Variants in TNRC6A observed in about 807,000 individuals in gnomAD.
TNRC6A encodes the protein trinucleotide repeat-containing gene 6A protein.
TNRC6A carries 44 observed loss-of-function variants against 221.2 expected under a neutral mutation model. The observed-to-expected ratio is 0.20, with a 90% CI of 0.16 to 0.26. The LOEUF (loss-of-function observed/expected upper bound fraction) is 0.26, where lower values mean the gene tolerates loss of function less well. Among genes scored for constraint, TNRC6A ranks in the 10% least tolerant of loss-of-function variants. The pLI is 1.00. For synonymous variants in TNRC6A, 847 were observed against 838.5 expected (o/e 1.01, Z -0.18); for missense variants, 2,199 against 2,404.4 (o/e 0.91, Z 1.79).
intron 2 of TNRC6A, among the ~76,000 whole-genome samples, chr16:24,656,599 C>T (rs1199904296): frequency 6.6e-6 from 1 of 151,700 alleles, no homozygotes; most frequent in East Asian, 1.9e-4. Context: ...GCAGAAATTG[C>T]ACAAGTCAAA....
rs147634323 is a variant in TNRC6A, at chr16:24,613,080, C to G, written n.276+2596C>G. Among the ~76,000 whole-genome samples the G allele has an allele frequency of 2.9e-3, 383 of 131,076 alleles. 3 individuals carry two copies. The highest frequency in any genetic ancestry group is 0.011 in the African/African-American group (363 of 34,330). The allele number at this position is 131,076 out of a possible 152,430, so 86.0% of individuals were successfully genotyped here. On this transcript the variant is annotated intron_variant and non_coding_transcript_variant, in intron 1 of 2. Transcript: ENST00000566108. ...GCAGTGAGCCGAGATCGCACCATTGCGCTCTAACCTGGGTGACAGAGTGAG... is the reference window on the plus strand; with the variant it reads ...GCAGTGAGCCGAGATCGCACCATTGGGCTCTAACCTGGGTGACAGAGTGAG...
intron 2 of TNRC6A, among the ~76,000 whole-genome samples, chr16:24,689,711 A>G (rs994056084): frequency 1.3e-5 from 2 of 152,172 alleles, no homozygotes; most frequent in African/African-American, 4.8e-5. Flanking sequence ...AAACAAAATG[A>G]ATAAGTACAC....
intron 2 of TNRC6A, among the ~76,000 whole-genome samples, chr16:24,724,318 A>G (rs1466195588): frequency 6.6e-6 from 1 of 152,246 alleles, no homozygotes; most frequent in African/African-American, 2.4e-5. Flanking sequence ...CCCCATCTGC[A>G]AAGTGGGGAT....
intron 7 of TNRC6A, 110 bp downstream of exon 7, chr16:24,793,759 A>G (rs2058160987): frequency 1.1e-6 from 1 of 924,384 alleles, no homozygotes; most frequent in Admixed American, 4.2e-5. Flanking sequence ...ATATTCATAT[A>G]ATGTAACATG....
intron 20 of TNRC6A, 121 bp downstream of exon 20, chr16:24,817,077 G>A: frequency 2.0e-6 from 2 of 1,015,846 alleles, no homozygotes; most frequent in Non-Finnish European, 2.7e-6. Context: ...CTTGAGCCCA[G>A]GAGCTTGAGG....
chr16:24,791,924 T>C (rs1316500703), intron 6 of TNRC6A, 107 bp downstream of exon 6: 2 of 1,242,218 alleles, frequency 1.6e-6, no homozygotes, highest in African/African-American at 1.6e-5. Context: ...CTTACTGTAA[T>C]CCAGAAGCAG....
At chr16:24,741,528 T>G (rs750074950) in intron 2 of TNRC6A, among the ~76,000 whole-genome samples, 2 of 152,188 alleles carry the variant, frequency 1.3e-5, no homozygotes, top group African/African-American at 4.8e-5. Flanking sequence ...AGTCTTTTGT[T>G]GAGGAGTTTT....
chr16:24,734,244 A>G (rs1228981296), intron 2 of TNRC6A, among the ~76,000 whole-genome samples: 1 of 152,216 alleles, frequency 6.6e-6, no homozygotes, highest in East Asian at 1.9e-4. Flanking sequence ...AGAATCTGGG[A>G]TTTGACAGCT....
rs150050896 is a variant in TNRC6A at position 24,780,840 on chromosome 16, A to G, written c.589+3482A>G. On this transcript the variant is annotated intron_variant, in intron 5 of 24. Transcript: ENST00000395799. Reference sequence around the variant, plus strand: ...GGATGTTTTAACCAAAAGTGTTAACATTAAAGTTTCTGGAGATATTTAAAG... The same window carrying G: ...GGATGTTTTAACCAAAAGTGTTAACGTTAAAGTTTCTGGAGATATTTAAAG... Among the ~76,000 whole-genome samples, 8 of 152,158 alleles carry G rather than the reference A, an allele frequency of 5.3e-5. No homozygotes were observed. The East Asian group carries it at 1.5e-3, about 29-fold the overall frequency.
At position 24,795,386 on chromosome 16, in the gene TNRC6A, C is replaced by A. The variant is rs1596744837; in HGVS notation, c.3529-521C>A. 4.6e-5 allele frequency among the ~76,000 whole-genome samples: 7 copies of A among 152,258 alleles called. 1 individual carries two copies. The highest frequency in any genetic ancestry group is 4.6e-4 in the Admixed American group (7 of 15,294). ...GATGCAGAGCCAGGTTTGGGAAGCACTGATTTAGAGCACTGGTTCTTAAGA... is the reference window on the plus strand; with the variant it reads ...GATGCAGAGCCAGGTTTGGGAAGCAATGATTTAGAGCACTGGTTCTTAAGA... On this transcript the variant is annotated intron_variant, in intron 8 of 24. Transcript: ENST00000395799.
rs767104641 is a variant in TNRC6A, at chr16:24,791,298, G to A, written c.2656G>A (p.Gly886Ser). ...TAGTGACAGTGACAGGTCCGTTTCCGGTTGGAACGAACTTGGTAAAACTAG... is the reference window on the plus strand; with the variant it reads ...TAGTGACAGTGACAGGTCCGTTTCCAGTTGGAACGAACTTGGTAAAACTAG... ...GGSDSDRSVS[G>S]WNELGKTSSF... Residue 886 changes from glycine (G) to serine (S), a missense_variant, in exon 6 of 25, where the codon GGT becomes AGT. Coordinates refer to ENST00000395799, the MANE Select transcript of TNRC6A (RefSeq NM_014494.4). 2 of 1,612,078 alleles carry A rather than the reference G, an allele frequency of 1.2e-6. No homozygotes were observed. Among genetic ancestry groups the A allele is most frequent in the South Asian group, 1.1e-5 (1 of 90,726 alleles).
At chr16:24,623,901 C>CAAAAAA (rs67546745) in intron 1 of TNRC6A, among the ~76,000 whole-genome samples, 6 of 55,188 alleles carry the variant, frequency 1.1e-4, no homozygotes, top group Non-Finnish European at 1.5e-4. Context: ...GACCCTGTCT[C>CAAAAAA]AAAAAAAAAA....
At chr16:24,794,511 A>G (rs1185883326) in intron 7 of TNRC6A, 33 bp from the exon 8 acceptor site, 5 of 1,587,726 alleles carry the variant, frequency 3.1e-6, no homozygotes, top group Non-Finnish European at 4.3e-6. Flanking sequence ...TTATTAAAGT[A>G]TGTTTCTCTT....
intron 2 of TNRC6A, among the ~76,000 whole-genome samples, chr16:24,704,597 G>A (rs1433697086): frequency 7.3e-6 from 1 of 137,182 alleles, no homozygotes; most frequent in African/African-American, 2.7e-5. Flanking sequence ...TCTGGGAGGT[G>A]GAGGTTACAG....
chr16:24,741,544 T>G (rs537494982), intron 2 of TNRC6A, among the ~76,000 whole-genome samples: 24 of 152,254 alleles, frequency 1.6e-4, no homozygotes, highest in Non-Finnish European at 2.1e-4. Flanking sequence ...GTTTTATGTT[T>G]GTATTCATAA....
At chr16:24,706,068 A>G (rs1420473662) in intron 2 of TNRC6A, among the ~76,000 whole-genome samples, 1 of 152,208 alleles carries the variant, frequency 6.6e-6, no homozygotes, top group East Asian at 1.9e-4. Flanking sequence ...AATGGAAGAA[A>G]ACCTTGTACT....
chr16:24,706,978 T>TC (rs879920540), intron 2 of TNRC6A, among the ~76,000 whole-genome samples: 44 of 126,850 alleles, frequency 3.5e-4, no homozygotes, highest in East Asian at 1.2e-3. Context: ...TATTTATCTA[T>TC]TTTTATTTAT....
intron 17 of TNRC6A, among the ~76,000 whole-genome samples, chr16:24,808,207 T>A (rs1051909542): frequency 6.6e-6 from 1 of 152,230 alleles, no homozygotes; most frequent in Non-Finnish European, 1.5e-5. Flanking sequence ...CTCTTCCTAT[T>A]TGACTGCACA....
chr16:24,629,626 G>A (rs1305284562), intron 1 of TNRC6A, among the ~76,000 whole-genome samples: 2 of 152,020 alleles, frequency 1.3e-5, no homozygotes, highest in Admixed American at 1.3e-4. Context: ...TATTATTTTG[G>A]GGGGAGGAGA....
Sources: allele counts gnomAD v4.1 joint callset (sites outside exome capture counted in the v4.1 genomes callset), GRCh38; gene constraint gnomAD v4.1.1; transcripts MANE v1.5; gene names NCBI Gene and HGNC (gene_info 2026-07-23, HGNC 2026-07-21).